The following ST6GALNAC5 variants were observed in gnomAD, a reference collection of about 807,000 sequenced individuals.
The protein encoded by ST6GALNAC5 is alpha-N-acetylgalactosaminide alpha-2,6-sialyltransferase 5.
Under a neutral mutation model 33.6 loss-of-function variants are expected in ST6GALNAC5, and 27 were observed. The observed-to-expected ratio is 0.80, with a 90% confidence interval of 0.59 to 1.11. The LOEUF is 1.11. ST6GALNAC5 is among the 50% of genes least tolerant of loss of function. The pLI is 0.00. For synonymous variants in ST6GALNAC5, 194 were observed against 171.2 expected (o/e 1.13, Z -1.04); for missense variants, 428 against 454.0 (o/e 0.94, Z 0.52).
chr1:76,935,203 T>C (rs1192035094), intron 2 of ST6GALNAC5, among the ~76,000 whole-genome samples: 1 of 152,114 alleles, frequency 6.6e-6, no homozygotes, highest in Non-Finnish European at 1.5e-5. Context: ...AAATCCTTTT[T>C]TGGAAATACG....
rs181934390 is a variant in ST6GALNAC5, at chr1:76,868,099, G to C, written c.16-398G>C. Among the ~76,000 whole-genome samples, 1 of 152,310 alleles carries C rather than the reference G, an allele frequency of 6.6e-6. No individual in the cohort carries two copies. The highest frequency in any genetic ancestry group is 1.5e-5 in the Non-Finnish European group (1 of 68,016). ...GATTTCAAACTTGCAAGGATCGCAA[G>C]GATCCAGGGCCCCAGGAAAGGAGGG... On this transcript the variant is annotated intron_variant, in intron 1 of 4. Transcript: ENST00000477717. This position sits in a 1 kb window ranked among gnomAD's most constrained non-coding sequence, Gnocchi z 4.3.
intron 2 of ST6GALNAC5, among the ~76,000 whole-genome samples, chr1:76,930,832 T>C (rs1480988095): frequency 2.6e-5 from 4 of 152,082 alleles, no homozygotes; most frequent in Admixed American, 6.6e-5. Context: ...CAATCAAAAT[T>C]TAAAATATTT....
chr1:76,942,161 C>T (rs976069179), intron 2 of ST6GALNAC5, among the ~76,000 whole-genome samples: 1 of 152,148 alleles, frequency 6.6e-6, no homozygotes, highest in Non-Finnish European at 1.5e-5. Context: ...TTTATTCCCT[C>T]TTCTCATGTA....
At chr1:76,922,278 T>C (rs961344886) in intron 2 of ST6GALNAC5, among the ~76,000 whole-genome samples, 2 of 151,974 alleles carry the variant, frequency 1.3e-5, no homozygotes, top group Admixed American at 1.3e-4. Flanking sequence ...CCAAAGTAAA[T>C]GAAATACTTA....
rs11162242 is a variant in ST6GALNAC5, at chr1:76,974,080, C to T, written c.262-70124C>T. Reference sequence around the variant, plus strand: ...TTTATTACACTAAAATGCCATGTGCCATACTGGTGTTTCTATTAGATTCAA... The same window carrying T: ...TTTATTACACTAAAATGCCATGTGCTATACTGGTGTTTCTATTAGATTCAA... On this transcript the variant is annotated intron_variant, in intron 2 of 4. Transcript: ENST00000477717. Among the ~76,000 whole-genome samples, 1,166 of 152,064 alleles carry T rather than the reference C, an allele frequency of 7.7e-3. 15 individuals carry two copies. Among genetic ancestry groups the T allele is most frequent in the African/African-American group, 0.023 (954 of 41,478 alleles).
At chr1:77,061,485 A>G (rs1031277500) in intron 4 of ST6GALNAC5, among the ~76,000 whole-genome samples, 1 of 152,206 alleles carries the variant, frequency 6.6e-6, no homozygotes, top group African/African-American at 2.4e-5. Context: ...CCAAGTTATT[A>G]TACTTAGAGG....
At chr1:76,985,045 C>T (rs1276516539) in intron 2 of ST6GALNAC5, among the ~76,000 whole-genome samples, 3 of 152,128 alleles carry the variant, frequency 2.0e-5, no homozygotes, top group Non-Finnish European at 4.4e-5. Context: ...ATGACAAACC[C>T]ACACCCAATA....
At chr1:77,001,354 CTT>C (rs1650156530) in intron 2 of ST6GALNAC5, among the ~76,000 whole-genome samples, 1 of 124,082 alleles carries the variant, frequency 8.1e-6, no homozygotes, top group African/African-American at 3.0e-5. Flanking sequence ...TATCCTGAGA[CTT>C]TGCTGAAGTT....
intron 2 of ST6GALNAC5, among the ~76,000 whole-genome samples, chr1:76,929,451 A>G (rs990307994): frequency 1.3e-5 from 2 of 152,116 alleles, no homozygotes; most frequent in Admixed American, 1.3e-4. Context: ...AGACAGGAGG[A>G]TTCCTTGAAC....
At chr1:76,896,072 G>A (rs983589256) in intron 2 of ST6GALNAC5, among the ~76,000 whole-genome samples, 3 of 152,292 alleles carry the variant, frequency 2.0e-5, no homozygotes, top group South Asian at 4.1e-4. Flanking sequence ...AATACTAAGA[G>A]CCTGAAAAAC....
intron 2 of ST6GALNAC5, among the ~76,000 whole-genome samples, chr1:76,954,748 T>C (rs918462904): frequency 6.6e-6 from 1 of 152,146 alleles, no homozygotes; most frequent in African/African-American, 2.4e-5. Flanking sequence ...AATTAATAGA[T>C]TATTTTCAAA....
intron 2 of ST6GALNAC5, among the ~76,000 whole-genome samples, chr1:76,988,267 C>T (rs1014495450): frequency 6.6e-6 from 1 of 151,836 alleles, no homozygotes; most frequent in Admixed American, 6.6e-5. Context: ...AAAATTTTTC[C>T]TTTCATATCC....
chr1:76,894,782 A>G (rs903668936), intron 2 of ST6GALNAC5, among the ~76,000 whole-genome samples: 1 of 152,144 alleles, frequency 6.6e-6, no homozygotes, highest in Non-Finnish European at 1.5e-5. Context: ...ATGAAATTAC[A>G]TGAGTAAGGT....
At chr1:76,974,143 T>G (rs1176246812) in intron 2 of ST6GALNAC5, among the ~76,000 whole-genome samples, 3 of 151,972 alleles carry the variant, frequency 2.0e-5, no homozygotes, top group Non-Finnish European at 4.4e-5. Flanking sequence ...ACATCTTTTT[T>G]AAATCTTCAT....
At position 77,044,558 on chromosome 1, in the gene ST6GALNAC5, C is replaced by G; in HGVS notation, c.616C>G (p.Arg206Gly). The change falls in exon 3 of 5, where the codon CGC becomes GGC. Residue 206 changes from arginine to glycine, a missense_variant. Arg to Gly is a moderately radical substitution (Grantham distance 125). Transcript: ENST00000477717. ...LPRLKAFMIT[R>G]HKMLQFDELF... ...CCGGCTGAAGGCCTTCATGATTACT[C>G]GCCACAAGATGCTGCAGTTTGATGA... 3.1e-6 allele frequency: 5 copies of G among 1,597,798 alleles called. No homozygotes were observed. The highest frequency in any genetic ancestry group is 4.3e-6 in the Non-Finnish European group (5 of 1,170,870).
In ST6GALNAC5 at chr1:76,873,690, A is replaced by G. The variant is rs1570627182; in HGVS notation, c.261+4948A>G. On this transcript the variant is annotated intron_variant, in intron 2 of 4. Transcript: ENST00000477717. ...AGGAGGAAATGATTTAAGAGGAAAG[A>G]CAAAAGAATCTTTGGGAATGAGATT... 2.0e-5 allele frequency among the ~76,000 whole-genome samples: 3 copies of G among 152,372 alleles called. 1 individual carries two copies. In the East Asian group the frequency reaches 5.8e-4, roughly 29 times the overall value.
chr1:76,990,883 G>A (rs34192006), intron 2 of ST6GALNAC5, among the ~76,000 whole-genome samples: 1 of 152,054 alleles, frequency 6.6e-6, no homozygotes, highest in Non-Finnish European at 1.5e-5. Flanking sequence ...ATGGCAGAGA[G>A]CCTTTACCAT....
intron 2 of ST6GALNAC5, among the ~76,000 whole-genome samples, chr1:76,957,595 T>TCCAC (rs1187785819): frequency 6.8e-6 from 1 of 146,696 alleles, no homozygotes; most frequent in Non-Finnish European, 1.5e-5. Context: ...ACTCCAACTG[T>TCCAC]CCACCCACCC....
intron 4 of ST6GALNAC5, among the ~76,000 whole-genome samples, chr1:77,062,476 G>T (rs1465065463): frequency 6.6e-6 from 1 of 152,126 alleles, no homozygotes; most frequent in African/African-American, 2.4e-5. Context: ...AGGCCAGTAT[G>T]GTGGGAACAT....
Sources: allele counts gnomAD v4.1 joint callset (sites outside exome capture counted in the v4.1 genomes callset), GRCh38; gene constraint gnomAD v4.1.1; non-coding constraint Gnocchi (gnomAD v3.1); transcripts MANE v1.5; gene names NCBI Gene and HGNC (gene_info 2026-07-23, HGNC 2026-07-21).